The following ITIH4 variants were observed in gnomAD, a reference collection of about 807,000 sequenced individuals.
The protein encoded by ITIH4 is inter-alpha-trypsin inhibitor heavy chain H4.
Under a neutral mutation model 111.8 loss-of-function variants are expected in ITIH4, and 79 were observed. The observed-to-expected ratio is 0.71, with a 90% CI of 0.59 to 0.85. The LOEUF (loss-of-function observed/expected upper bound fraction) is 0.85. Ranked by LOEUF, ITIH4 falls within the 40% of genes least tolerant of loss-of-function variation. The pLI is 0.00. For synonymous variants in ITIH4, 472 were observed against 468.3 expected (o/e 1.01, Z -0.10); for missense variants, 1,065 against 1,195.8 (o/e 0.89, Z 1.61).
intron 1 of ITIH4, 82 bp downstream of exon 1, chr3:52,830,470 GC>G: frequency 2.3e-6 from 3 of 1,305,922 alleles, no homozygotes; most frequent in Non-Finnish European, 3.3e-6. Context: ...GTGCTGACAC[GC>G]TGGCACATGC....
rs146853969 is a variant in ITIH4, at chr3:52,818,164, G to A, written c.2184C>T (p.Pro728=). ...ETTMTTQTPA[P]IQAPSAILPL... is the part of the protein sequence containing the mutation. ...GCAGGATGGCAGAGGGAGCCTGTAT[G>A]GGGGCTGGGACAGCCGGGGCACGGC... The change falls in exon 20 of 24, where the codon CCC becomes CCT. Residue 728 remains proline (P), a synonymous_variant. Coordinates refer to ENST00000266041, the MANE Select transcript of ITIH4 (RefSeq NM_002218.5). 204 of 1,611,338 alleles carry A rather than the reference G, an allele frequency of 1.3e-4. No individual in the cohort carries two copies. In the African/African-American group the frequency reaches 2.5e-3, roughly 20 times the overall value.
intron 21 of ITIH4, among the ~76,000 whole-genome samples, chr3:52,816,398 C>T (rs1209259510): frequency 6.6e-6 from 1 of 152,250 alleles, no homozygotes; most frequent in African/African-American, 2.4e-5. Context: ...GTCAACAGTG[C>T]TCTCCAGCTT....
At chr3:52,826,205 C>T (rs1024564718) in intron 5 of ITIH4, among the ~76,000 whole-genome samples, 191 bp from the exon 6 acceptor site, 3 of 152,226 alleles carry the variant, frequency 2.0e-5, no homozygotes, top group African/African-American at 7.2e-5. Context: ...GATGAGCTCC[C>T]TGTTCCTGGA....
chr3:52,819,562 T>C, intron 16 of ITIH4, 44 bp from the exon 17 acceptor site: 1 of 1,612,832 alleles, frequency 6.2e-7, no homozygotes, highest in Non-Finnish European at 8.5e-7. Flanking sequence ...AGGTGGGGTG[T>C]GGGTCTTCAC....
rs766130829 is a variant in ITIH4 at position 52,819,453 on chromosome 3, G to A, written c.2017C>T (p.Pro673Ser). 1.9e-5 allele frequency: 30 copies of A among 1,613,998 alleles called. No individual in the cohort carries two copies. The highest frequency in any genetic ancestry group is 3.3e-4 in the Middle Eastern group (2 of 6,084). Residue 673 changes from proline to serine, a missense_variant, in exon 17 of 24, where the codon CCA becomes TCA. Transcript: ENST00000266041. ...GVLSSRQLGL[P>S]GPPDVPDHAA... ...TGGTCAGGAACATCAGGAGGTCCTG[G>A]GAGTCCAAGTTGCCTGGAGCTGAGA... is the stretch of plus-strand genomic sequence containing the variant.
At position 52,825,764 on chromosome 3, in the gene ITIH4, C is replaced by T. The variant is rs1000503680; in HGVS notation, c.759+122G>A. 4.1e-5 allele frequency: 44 copies of T among 1,066,642 alleles called. No individual in the cohort carries two copies. The Admixed American group carries it at 7.1e-4, about 17-fold the overall frequency. The allele number at this position is 1,066,642 out of a possible 1,614,324, so 66.1% of individuals were successfully genotyped here. A position where few individuals can be genotyped will look rare whatever the true frequency, so the allele number is the denominator to read the frequency against. Reference sequence around the variant, plus strand: ...TAAATCACGTGTTTTCTGTCTGTGCCGGTCCCTGGTGCACACTGCTAAGTA... The same window carrying T: ...TAAATCACGTGTTTTCTGTCTGTGCTGGTCCCTGGTGCACACTGCTAAGTA... On this transcript the variant is annotated intron_variant, in intron 6 of 23. Coordinates refer to ENST00000266041, the MANE Select transcript of ITIH4 (RefSeq NM_002218.5).
Position 52,826,815 on chromosome 3 carries a change from G to A in ITIH4, c.495C>T (p.Pro165=). ...CCTGCAGGTGCTTGACCAGCTGCTG[G>A]GGCCGCACTTTCAGCAGCAGCTCGT... ...GVYELLLKVR[P]QQLVKHLQMD... is the part of the protein sequence containing the mutation. The change falls in exon 4 of 24, where the codon CCC becomes CCT. Residue 165 remains proline (P), a synonymous_variant. Transcript: ENST00000266041. The A allele has an allele frequency of 6.2e-7, 1 of 1,613,800 alleles. No individual in the cohort carries two copies. The highest frequency in any genetic ancestry group is 8.5e-7 in the Non-Finnish European group (1 of 1,180,014).
In ITIH4 at chr3:52,824,783, G is replaced by T; in HGVS notation, c.876+59C>A. 1 of 1,413,942 alleles carries T rather than the reference G, an allele frequency of 7.1e-7. No homozygotes were observed. The highest frequency in any genetic ancestry group is 9.8e-7 in the Non-Finnish European group (1 of 1,015,510). The allele number at this position is 1,413,942 out of a possible 1,614,324, so 87.6% of individuals were successfully genotyped here. On this transcript the variant is annotated intron_variant, in intron 7 of 23. Coordinates refer to ENST00000266041, the MANE Select transcript of ITIH4 (RefSeq NM_002218.5). The surrounding 1 kb of genome is among the most constrained non-coding windows in gnomAD (Gnocchi z 4.3). ...AAGGGGGTCTGCCTGCCGGACCACA[G>T]CTGATAGCGTGAAGGGCCTGGGAGT...
intron 14 of ITIH4, 97 bp downstream of exon 14, chr3:52,820,194 C>A: frequency 6.5e-7 from 1 of 1,534,820 alleles, no homozygotes; most frequent in Non-Finnish European, 9.0e-7. Context: ...CCTGGGTGGA[C>A]CTGGGCCCTG....
In ITIH4 at chr3:52,820,623, A is replaced by G. The variant is rs1448438877; in HGVS notation, c.1834+8T>C. The stretch of plus-strand genomic sequence containing the variant: ...CCTGGGAGGCTGAGATCTCAACCCC[A>G]CACCCACCGCCTTCCATGGGCTTCT... On this transcript the variant is annotated splice_region_variant and intron_variant, in intron 13 of 23. Transcript: ENST00000266041. The G allele has an allele frequency of 1.0e-5, 16 of 1,603,572 alleles. No individual in the cohort carries two copies. The South Asian group carries it at 1.4e-4, about 15-fold the overall frequency.
intron 11 of ITIH4, chr3:52,823,193 G>A (rs947163491): frequency 6.7e-5 from 13 of 193,684 alleles, no homozygotes; most frequent in Admixed American, 1.1e-4. Context: ...AGTGGGGCCC[G>A]GGGAAAGCTG....
chr3:52,820,903 AC>A (rs930735572), intron 12 of ITIH4, 87 bp downstream of exon 12: 5 of 1,551,094 alleles, frequency 3.2e-6, no homozygotes, highest in East Asian at 4.5e-5. Context: ...TGATGCCAAG[AC>A]CCCCCTCTCT....
At chr3:52,818,018 G>T in intron 20 of ITIH4, 34 bp downstream of exon 20, 1 of 1,509,034 alleles carries the variant, frequency 6.6e-7, no homozygotes, top group Non-Finnish European at 9.2e-7. Context: ...GTGTGCCAGT[G>T]GTGTCTGGGT....
chr3:52,826,997 G>C, intron 3 of ITIH4, 44 bp from the exon 4 acceptor site: 1 of 1,613,386 alleles, frequency 6.2e-7, no homozygotes, highest in Non-Finnish European at 8.5e-7. Flanking sequence ...GGACAGGTGG[G>C]GTAAGGCTGG....
chr3:52,829,013 T>C lies in ITIH4; in HGVS notation c.251+106A>G, dbSNP rs978472910. 5.6e-6 allele frequency: 6 copies of C among 1,077,172 alleles called. No homozygotes were observed. The South Asian group carries it at 8.8e-5, about 16-fold the overall frequency. The allele number at this position is 1,077,172 out of a possible 1,614,324, so 66.7% of individuals were successfully genotyped here. A position where few individuals can be genotyped will look rare whatever the true frequency, so the allele number is the denominator to read the frequency against. On this transcript the variant is annotated intron_variant, in intron 2 of 23. Coordinates refer to ENST00000266041, the MANE Select transcript of ITIH4 (RefSeq NM_002218.5). ...GGTGCAGGGTGTACTCCTGAAGATGTACACCCTGGCATGCCTTACTTCAAG... is the reference window on the plus strand; with the variant it reads ...GGTGCAGGGTGTACTCCTGAAGATGCACACCCTGGCATGCCTTACTTCAAG...
rs1393564954 is a variant in ITIH4 at position 52,824,509 on chromosome 3, G to A, written c.933C>T (p.Asn311=). Reference sequence around the variant, plus strand: ...TTGCTTCTGTACTGAAGACGATGAGGTTGAACTGGTCTCTGGGGCTGAGGT... The same window carrying A: ...TTGCTTCTGTACTGAAGACGATGAGATTGAACTGGTCTCTGGGGCTGAGGT... The part of the protein sequence containing the change: ...LDDLSPRDQF[N]LIVFSTEATQ... The change falls in exon 8 of 24, where the codon AAC becomes AAT. Residue 311 remains asparagine (N), a synonymous_variant. Transcript: ENST00000266041. This position sits in a 1 kb window ranked among gnomAD's most constrained non-coding sequence, Gnocchi z 4.3. The A allele has an allele frequency of 6.2e-7, 1 of 1,614,014 alleles. No homozygotes were observed. Among genetic ancestry groups the A allele is most frequent in the Non-Finnish European group, 8.5e-7 (1 of 1,180,050 alleles).
At position 52,821,144 on chromosome 3, in the gene ITIH4, C is replaced by A. The variant is rs190010442; in HGVS notation, c.1540-14G>T. On this transcript the variant is annotated splice_polypyrimidine_tract_variant and intron_variant, in intron 11 of 23. Coordinates refer to ENST00000266041, the MANE Select transcript of ITIH4 (RefSeq NM_002218.5). ...GTTCTGTGTAGGCTGGAAAGAGGGG[C>A]CCAGCCAGGGCAGGAGCAGTGAGGG... The A allele has an allele frequency of 1.9e-4, 312 of 1,611,186 alleles. No individual in the cohort carries two copies. The highest frequency in any genetic ancestry group is 3.5e-4 in the Admixed American group (21 of 59,874).
intron 5 of ITIH4, 125 bp downstream of exon 5, chr3:52,826,416 G>A (rs1014268486): frequency 5.6e-6 from 4 of 715,182 alleles, no homozygotes; most frequent in Non-Finnish European, 9.7e-6. Flanking sequence ...GAGATCTCAG[G>A]AGCCTCTCCA....
At position 52,827,196 on chromosome 3, in the gene ITIH4, T is replaced by C; in HGVS notation, c.253A>G (p.Ile85Val). ...CCTGGGTAGGTCATGCCATCGATGA[T>C]CCTGGGGGCAGAAGGGTGGGAGTTG... The part of the protein sequence containing the change: ...KKAFITNFSM[I>V]IDGMTYPGII... Residue 85 changes from isoleucine to valine, a missense_variant and splice_region_variant, in exon 3 of 24, where the codon ATC becomes GTC. Coordinates refer to ENST00000266041, the MANE Select transcript of ITIH4 (RefSeq NM_002218.5). 6.2e-7 allele frequency: 1 copy of C among 1,612,626 alleles called. No individual in the cohort carries two copies. The highest frequency in any genetic ancestry group is 8.5e-7 in the Non-Finnish European group (1 of 1,178,708).
Sources: allele counts gnomAD v4.1 joint callset (sites outside exome capture counted in the v4.1 genomes callset), GRCh38; gene constraint gnomAD v4.1.1; non-coding constraint Gnocchi (gnomAD v3.1); transcripts MANE v1.5; gene names NCBI Gene and HGNC (gene_info 2026-07-23, HGNC 2026-07-21).